COL5A2: variants seen among roughly 807,000 people sequenced by gnomAD.
The protein encoded by COL5A2 is collagen type V alpha 2 chain.
A neutral mutation model predicts 208.2 loss-of-function variants in COL5A2; 23 were observed. The ratio of observed to expected loss-of-function variants is 0.11; its 90% CI spans 0.08 to 0.16. The LOEUF is 0.16. COL5A2 is among the 10% of genes least tolerant of loss of function. The probability of loss-of-function intolerance (pLI) is 1.00; values close to 1 mark genes in which losing one functional copy is unlikely to be tolerated. For missense variants in COL5A2, 1,590 were observed against 1,956.4 expected (o/e 0.81, Z 3.53); for synonymous variants, 625 against 628.5 (o/e 0.99, Z 0.08).
the COL5A2 span, among the ~76,000 whole-genome samples, chr2:189,354,246 TC>T: frequency 6.6e-6 from 1 of 152,184 alleles, no homozygotes; most frequent in African/African-American, 2.4e-5. Flanking sequence ...ATGTTCTTTT[TC>T]TGTTGTGTCT....
chr2:189,074,889 T>C (rs1319410299), intron 17 of COL5A2, among the ~76,000 whole-genome samples: 2 of 152,216 alleles, frequency 1.3e-5, no homozygotes, highest in East Asian at 3.9e-4. Flanking sequence ...ATGTTCAACA[T>C]TACCAGCAGA....
the COL5A2 span, among the ~76,000 whole-genome samples, chr2:189,315,299 T>G: frequency 6.6e-6 from 1 of 152,202 alleles, no homozygotes; most frequent in African/African-American, 2.4e-5. Flanking sequence ...TCAATACATG[T>G]GATTCATCTC....
chr2:189,126,213 GA>G (rs1419983097), intron 1 of COL5A2, among the ~76,000 whole-genome samples: 3 of 151,826 alleles, frequency 2.0e-5, no homozygotes, highest in African/African-American at 7.2e-5. Context: ...TGTTAGTAAA[GA>G]AAAAAACCAA....
the COL5A2 span, among the ~76,000 whole-genome samples, chr2:189,386,384 A>AT: frequency 6.6e-6 from 1 of 152,200 alleles, no homozygotes; most frequent in African/African-American, 2.4e-5. Flanking sequence ...CTAGGGAAAG[A>AT]AAAGCTAGGA....
intron 24 of COL5A2, 29 bp from the exon 25 acceptor site, chr2:189,064,684 GAA>G: frequency 6.9e-7 from 1 of 1,449,830 alleles, no homozygotes. Context: ...GATGCATGAA[GAA>G]AAAGAGTATA....
intron 1 of COL5A2, among the ~76,000 whole-genome samples, chr2:189,186,533 A>T (rs1688855173): frequency 6.6e-6 from 1 of 152,184 alleles, no homozygotes; most frequent in African/African-American, 2.4e-5. Context: ...GAGGAAGGAA[A>T]TTGAGGCTAA....
intron 1 of COL5A2, among the ~76,000 whole-genome samples, chr2:189,216,869 A>C (rs1430124511): frequency 6.6e-6 from 1 of 152,174 alleles, no homozygotes; most frequent in Non-Finnish European, 1.5e-5. Flanking sequence ...GGTCTAATGA[A>C]ACCTAAATTT....
At chr2:189,142,074 T>C (rs1450345645) in intron 1 of COL5A2, among the ~76,000 whole-genome samples, 3 of 152,168 alleles carry the variant, frequency 2.0e-5, no homozygotes, top group Admixed American at 1.3e-4. Flanking sequence ...TAACATTGTA[T>C]AGACTTGATA....
At chr2:189,080,807 C>A (rs1686516860) in intron 13 of COL5A2, among the ~76,000 whole-genome samples, 183 bp downstream of exon 13, 1 of 152,066 alleles carries the variant, frequency 6.6e-6, no homozygotes, top group Admixed American at 6.6e-5. Flanking sequence ...TTTATCAAAT[C>A]AAATTAAACT....
rs1186889968 is a variant in COL5A2, at chr2:189,080,971, T to A, written c.906+19A>T. ...ACTAAACCACAGTATCTGAGAGGAT[T>A]ACAATAGATTGAACTTACTCGGTGA... On this transcript the variant is annotated intron_variant, in intron 13 of 53. Transcript: ENST00000374866. 1.6e-5 allele frequency: 26 copies of A among 1,606,564 alleles called. No homozygotes were observed. The highest frequency in any genetic ancestry group is 2.2e-5 in the Non-Finnish European group (26 of 1,173,292).
the COL5A2 span, among the ~76,000 whole-genome samples, chr2:189,429,324 C>T: frequency 3.9e-5 from 6 of 152,206 alleles, no homozygotes; most frequent in Non-Finnish European, 8.8e-5. Context: ...TGGTCCTCAG[C>T]TTCATCTTCT....
chr2:189,060,273 A>G (rs1685999472), intron 31 of COL5A2, among the ~76,000 whole-genome samples: 1 of 152,196 alleles, frequency 6.6e-6, no homozygotes, highest in African/African-American at 2.4e-5. Flanking sequence ...TAAGGACAGC[A>G]AGGTCCAAAT....
intron 1 of COL5A2, among the ~76,000 whole-genome samples, chr2:189,162,501 T>G (rs1432102133): frequency 1.3e-5 from 2 of 152,160 alleles, no homozygotes; most frequent in African/African-American, 4.8e-5. Context: ...CTTCTGAAGA[T>G]AGAATGGGAT....
At chr2:189,087,629 A>ATTT (rs528975622) in intron 8 of COL5A2, among the ~76,000 whole-genome samples, 1 of 120,656 alleles carries the variant, frequency 8.3e-6, no homozygotes, top group Admixed American at 8.4e-5. Flanking sequence ...ATTGTTTTGT[A>ATTT]TTTTTTTTTT....
intron 7 of COL5A2, among the ~76,000 whole-genome samples, chr2:189,091,425 C>A (rs957128848): frequency 9.2e-5 from 14 of 152,040 alleles, no homozygotes; most frequent in Non-Finnish European, 1.9e-4. Flanking sequence ...TTTAAATTAC[C>A]ATAGCAATTC....
chr2:189,169,759 T>G (rs922734647), intron 1 of COL5A2, among the ~76,000 whole-genome samples: 3 of 152,244 alleles, frequency 2.0e-5, no homozygotes, highest in Non-Finnish European at 4.4e-5. Context: ...TTGCCCAGGC[T>G]GGAGCGCAAT....
At chr2:189,057,116 C>T in intron 34 of COL5A2, 90 bp from the exon 35 acceptor site, 1 of 1,413,688 alleles carries the variant, frequency 7.1e-7, no homozygotes, top group Non-Finnish European at 1.0e-6. Context: ...GGCTAATTGT[C>T]ATTTTCCTAG....
chr2:189,178,530 C>G (rs574338883), intron 1 of COL5A2, among the ~76,000 whole-genome samples: 3 of 151,668 alleles, frequency 2.0e-5, no homozygotes, highest in African/African-American at 4.8e-5. Context: ...TAAAGGAGTA[C>G]ATGTCTGTAT....
the COL5A2 span, among the ~76,000 whole-genome samples, chr2:189,414,690 A>T: frequency 6.9e-6 from 1 of 144,828 alleles, no homozygotes; most frequent in Non-Finnish European, 1.5e-5. Flanking sequence ...CAGAGGTTGC[A>T]TTGCAGTGAG....
Sources: gnomAD v4.1 joint callset for allele counts (sites outside exome capture counted in the v4.1 genomes callset) on GRCh38, gnomAD v4.1.1 for gene constraint, MANE v1.5 for transcripts, NCBI Gene and HGNC (gene_info 2026-07-23, HGNC 2026-07-21) for gene names.